DLK2: variants seen among roughly 807,000 people sequenced by gnomAD.
The protein encoded by DLK2 is delta like non-canonical Notch ligand 2.
A neutral mutation model predicts 31.3 loss-of-function variants in DLK2; 9 were observed. The observed-to-expected ratio is 0.29, with a 90% confidence interval of 0.17 to 0.50. The LOEUF is 0.50. Among genes scored for constraint, DLK2 ranks in the 20% least tolerant of loss-of-function variants. The pLI, the probability that DLK2 is intolerant of heterozygous loss-of-function variation, is 0.98. For missense variants in DLK2, 387 were observed against 526.1 expected (o/e 0.74, Z 2.59); for synonymous variants, 169 against 201.2 (o/e 0.84, Z 1.35).
intron 2 of DLK2, 101 bp from the exon 3 acceptor site, chr6:43,454,575 T>C (rs1453721480): frequency 7.3e-7 from 1 of 1,369,984 alleles, no homozygotes. Flanking sequence ...CTGAGCGGAC[T>C]CAACCCTAGG....
chr6:43,455,283 C>G (rs995701568), intron 1 of DLK2, 112 bp downstream of exon 1: 47 of 148,080 alleles, frequency 3.2e-4, no homozygotes, highest in South Asian at 9.8e-4. Flanking sequence ...GACAGCCCCC[C>G]CCCCCGCCAC....
chr6:43,455,277 G>GCCCCCCCCCCCCCC (rs572751222), intron 1 of DLK2, 118 bp downstream of exon 1: 1 of 128,092 alleles, frequency 7.8e-6, no homozygotes, highest in Non-Finnish European at 1.6e-5. Context: ...AGCTCCGACA[G>GCCCCCCCCCCCCCC]CCCCCCCCCC....
intron 2 of DLK2, 52 bp downstream of exon 2, chr6:43,454,698 A>C: frequency 1.3e-6 from 2 of 1,534,228 alleles, no homozygotes; most frequent in Non-Finnish European, 1.8e-6. Context: ...GTCAACGTGC[A>C]AGCGAGGACG....
chr6:43,455,096 G>A, intron 1 of DLK2: 1 of 985,194 alleles, frequency 1.0e-6, no homozygotes, highest in Non-Finnish European at 1.2e-6. Flanking sequence ...GGAGGGGAAA[G>A]ATGGGCATCG....
In DLK2 at chr6:43,450,857, G is replaced by T. The variant is rs776114732; in HGVS notation, c.834C>A (p.Ala278=). 2.5e-6 allele frequency: 4 copies of T among 1,614,192 alleles called. No homozygotes were observed. The highest frequency in any genetic ancestry group is 1.1e-5 in the South Asian group (1 of 91,082). The part of the protein sequence containing the change: ...SAVVVPATGP[A]PHSAGAGLLR... Reference sequence around the variant, plus strand: ...GCAGACCAGCCCCTGCGCTGTGGGGGGCTGGCCCCGTGGCAGGTACCACTA... The same window carrying T: ...GCAGACCAGCCCCTGCGCTGTGGGGTGCTGGCCCCGTGGCAGGTACCACTA... Residue 278 remains alanine, a synonymous_variant, in exon 6 of 6, where the codon GCC becomes GCA. Coordinates refer to ENST00000372488, the MANE Select transcript of DLK2 (RefSeq NM_023932.4). This position sits in a 1 kb window ranked among gnomAD's most constrained non-coding sequence, Gnocchi z 4.5.
At chr6:43,455,629 C>T (rs1191105518), upstream of DLK2, 1 of 134,622 alleles carries the variant, frequency 7.4e-6, no homozygotes, top group Non-Finnish European at 1.6e-5. Context: ...GGAGCCCGCC[C>T]CCACCCCCAT....
Position 43,450,361 on chromosome 6 carries a change from C to T in DLK2, c.*178G>A, listed in dbSNP as rs1272773060. Reference sequence around the variant, plus strand: ...TGGCATAGGAGCCCACTTGCATTTTCATAGTTTTATTTGATAAAATTCCAT... The same window carrying T: ...TGGCATAGGAGCCCACTTGCATTTTTATAGTTTTATTTGATAAAATTCCAT... On this transcript the variant is annotated 3_prime_UTR_variant, in exon 6 of 6. Coordinates refer to ENST00000372488, the MANE Select transcript of DLK2 (RefSeq NM_023932.4). This position sits in a 1 kb window ranked among gnomAD's most constrained non-coding sequence, Gnocchi z 4.5. 21 of 993,956 alleles carry T rather than the reference C, an allele frequency of 2.1e-5. No individual in the cohort carries two copies. The highest frequency in any genetic ancestry group is 4.2e-5 in the South Asian group (2 of 47,290). The allele number at this position is 993,956 out of a possible 1,614,324, so 61.6% of individuals were successfully genotyped here.
chr6:43,456,409 A>T (rs1298619551), upstream of DLK2: 2 of 152,254 alleles, frequency 1.3e-5, no homozygotes, highest in Non-Finnish European at 2.9e-5. Flanking sequence ...AATGGCTCAG[A>T]GACACATTTC....
intron 2 of DLK2, 122 bp downstream of exon 2, chr6:43,454,628 C>CCT: frequency 7.2e-7 from 1 of 1,392,942 alleles, no homozygotes; most frequent in South Asian, 1.3e-5. Flanking sequence ...AAAAAGGCAA[C>CCT]CTCGGTCTTG....
In DLK2 at chr6:43,454,731, G is replaced by A. The variant is rs1479448925; in HGVS notation, c.76+19C>T. On this transcript the variant is annotated intron_variant, in intron 2 of 5. Coordinates refer to ENST00000372488, the MANE Select transcript of DLK2 (RefSeq NM_023932.4). ...ACGGCTGGACAGGGCCGCGACTGGAGCCCAGCGGGCGCGCTCACCTCGGAC... is the reference window on the plus strand; with the variant it reads ...ACGGCTGGACAGGGCCGCGACTGGAACCCAGCGGGCGCGCTCACCTCGGAC... 6.5e-7 allele frequency: 1 copy of A among 1,543,442 alleles called. No homozygotes were observed. The highest frequency in any genetic ancestry group is 2.4e-5 in the East Asian group (1 of 41,034).
chr6:43,455,277 G>GCCCCCCCCCCCC (rs572751222), intron 1 of DLK2, 118 bp downstream of exon 1: 4 of 128,096 alleles, frequency 3.1e-5, no homozygotes, highest in Admixed American at 7.9e-5. Context: ...AGCTCCGACA[G>GCCCCCCCCCCCC]CCCCCCCCCC....
chr6:43,455,907 T>C (rs1464614735), upstream of DLK2: 1 of 152,762 alleles, frequency 6.5e-6, no homozygotes, highest in East Asian at 1.9e-4. Flanking sequence ...CTCATATAGA[T>C]CTATGCACAC....
Position 43,452,104 on chromosome 6 carries a change from G to A in DLK2, c.272-20C>T, listed in dbSNP as rs766988405. On this transcript the variant is annotated intron_variant, in intron 4 of 5. Transcript: ENST00000372488. ...GTTCATCTGGAGAGGGGACAGGAAA[G>A]GCTCTGGGATAACCCCTCCCATCTG... The A allele has an allele frequency of 1.5e-5, 24 of 1,614,032 alleles. No homozygotes were observed. In the East Asian group the frequency reaches 5.1e-4, roughly 34 times the overall value.
chr6:43,454,714 A>T, intron 2 of DLK2, 36 bp downstream of exon 2: 1 of 1,538,832 alleles, frequency 6.5e-7, no homozygotes. Context: ...GGACGGCTGG[A>T]CAGGGCCGCG....
At chr6:43,454,313 T>G in intron 3 of DLK2, 98 bp downstream of exon 3, 1 of 1,160,388 alleles carries the variant, frequency 8.6e-7, no homozygotes, top group Non-Finnish European at 1.2e-6. Context: ...TGATGAGGCA[T>G]GAAGAGTAGA....
Position 43,451,357 on chromosome 6 carries a change from C to T in DLK2, c.417-83G>A, listed in dbSNP as rs193184379. 86 of 1,503,542 alleles carry T rather than the reference C, an allele frequency of 5.7e-5. No homozygotes were observed. The highest frequency in any genetic ancestry group is 2.7e-4 in the Admixed American group (13 of 47,864). The allele number at this position is 1,503,542 out of a possible 1,614,324, so 93.1% of individuals were successfully genotyped here. On this transcript the variant is annotated intron_variant, in intron 5 of 5. Coordinates refer to ENST00000372488, the MANE Select transcript of DLK2 (RefSeq NM_023932.4). The surrounding 1 kb of genome is among the most constrained non-coding windows in gnomAD (Gnocchi z 4.4). ...CCAGGTCAGTATCCTGACCACTGCC[C>T]GCCATGTCATCTTGGGCTACACACT... is the stretch of plus-strand genomic sequence containing the variant.
chr6:43,455,049 G>C, intron 1 of DLK2, 169 bp from the exon 2 acceptor site: 1 of 985,158 alleles, frequency 1.0e-6, no homozygotes, highest in Non-Finnish European at 1.2e-6. Flanking sequence ...AGAGAGCGAG[G>C]AGAGCGAAGA....
At chr6:43,452,868 C>A in intron 4 of DLK2, 137 bp downstream of exon 4, 1 of 1,331,152 alleles carries the variant, frequency 7.5e-7, no homozygotes, top group Non-Finnish European at 1.0e-6. Flanking sequence ...TATAAAAAGT[C>A]TAAGATTTAA....
rs763361670 is a variant in DLK2 at position 43,451,298 on chromosome 6, A to G, written c.417-24T>C. On this transcript the variant is annotated intron_variant, in intron 5 of 5. Transcript: ENST00000372488. The surrounding 1 kb of genome is among the most constrained non-coding windows in gnomAD (Gnocchi z 4.4). ...AGCTGTGGTAGGGGTGAGAGAGGACATGATAACCAACTTACCAACACCTGT... is the reference window on the plus strand; with the variant it reads ...AGCTGTGGTAGGGGTGAGAGAGGACGTGATAACCAACTTACCAACACCTGT... 1 of 1,605,396 alleles carries G rather than the reference A, an allele frequency of 6.2e-7. No homozygotes were observed. Among genetic ancestry groups the G allele is most frequent in the South Asian group, 1.1e-5 (1 of 89,644 alleles).
Sources: gnomAD v4.1 joint callset for allele counts on GRCh38, gnomAD v4.1.1 for gene constraint, Gnocchi (gnomAD v3.1) non-coding constraint, MANE v1.5 for transcripts, NCBI Gene and HGNC (gene_info 2026-07-23, HGNC 2026-07-21) for gene names.